Variants in NTN1 observed in about 807,000 individuals in gnomAD.
NTN1 encodes netrin 1.
NTN1 carries 11 observed loss-of-function variants against 54.2 expected under a neutral mutation model. The observed-to-expected ratio is 0.20, with a 90% CI of 0.13 to 0.34. The LOEUF is 0.34. NTN1 is among the 10% of genes least tolerant of loss of function. The pLI is 1.00. For missense variants in NTN1, 740 were observed against 893.1 expected (o/e 0.83, Z 2.18); for synonymous variants, 371 against 382.0 (o/e 0.97, Z 0.33).
chr17:9,233,292 G>C (rs1201162552), intron 6 of NTN1, among the ~76,000 whole-genome samples: 3 of 152,100 alleles, frequency 2.0e-5, no homozygotes, highest in African/African-American at 4.8e-5. Flanking sequence ...GGCCCAGCCT[G>C]CAAGTTGTTT....
the NTN1 span, among the ~76,000 whole-genome samples, chr17:9,003,301 G>C: frequency 1.3e-5 from 2 of 151,820 alleles, no homozygotes; most frequent in Admixed American, 6.6e-5. The surrounding 1 kb of genome is among the most constrained non-coding windows in gnomAD (Gnocchi z 7.4). Context: ...GAGCCTGCGC[G>C]GGGATGGCGG....
intron 5 of NTN1, among the ~76,000 whole-genome samples, chr17:9,195,475 G>C (rs1185450977): frequency 5.3e-5 from 8 of 152,192 alleles, no homozygotes; most frequent in Non-Finnish European, 8.8e-5. Flanking sequence ...GAGAGGATGG[G>C]AGTCCTTGGA....
chr17:9,135,905 A>G lies in NTN1; in HGVS notation c.1019-26908A>G, dbSNP rs994097717. Among the ~76,000 whole-genome samples, 1 of 152,198 alleles carries G rather than the reference A, an allele frequency of 6.6e-6. No homozygotes were observed. The highest frequency in any genetic ancestry group is 1.5e-5 in the Non-Finnish European group (1 of 68,042). The stretch of plus-strand genomic sequence containing the variant: ...GCACAGCCCATACTCAGAGGGCAGC[A>G]TGAACACTGCCACCCCAAACGTGTC... On this transcript the variant is annotated intron_variant, in intron 2 of 6. Transcript: ENST00000173229. The surrounding 1 kb of genome is among the most constrained non-coding windows in gnomAD (Gnocchi z 4.4).
chr17:9,038,208 A>T (rs1597465904), intron 2 of NTN1, among the ~76,000 whole-genome samples: 1 of 148,160 alleles, frequency 6.7e-6, no homozygotes, highest in Admixed American at 6.7e-5. Context: ...TGTCTATCGG[A>T]CTCTCTCTCT....
intron 6 of NTN1, among the ~76,000 whole-genome samples, chr17:9,222,033 C>T (rs548612860): frequency 7.2e-5 from 11 of 152,200 alleles, no homozygotes; most frequent in African/African-American, 2.7e-4. Flanking sequence ...GCAAGGCCCC[C>T]GCATACAGCC....
rs146986043 is a variant in NTN1, at chr17:9,105,997, T to C, written c.1019-56816T>C. On this transcript the variant is annotated intron_variant, in intron 2 of 6. Transcript: ENST00000173229. The stretch of plus-strand genomic sequence containing the variant: ...ATCTGGACCAGCTACTCCCAAAGCA[T>C]GGCCCCCCAACCAGCAGCGTCAACA... Among the ~76,000 whole-genome samples, 46 of 152,074 alleles carry C rather than the reference T, an allele frequency of 3.0e-4. No homozygotes were observed. In the East Asian group the frequency reaches 7.3e-3, roughly 24 times the overall value.
chr17:9,063,876 G>C (rs974408396), intron 2 of NTN1, among the ~76,000 whole-genome samples: 3 of 152,076 alleles, frequency 2.0e-5, no homozygotes, highest in Non-Finnish European at 2.9e-5. Flanking sequence ...CATGCCTTGA[G>C]GAAGGAGCTG....
chr17:9,008,071 AC>A, the NTN1 span, among the ~76,000 whole-genome samples: 1 of 151,870 alleles, frequency 6.6e-6, no homozygotes, highest in Non-Finnish European at 1.5e-5. Flanking sequence ...GATCTATCTG[AC>A]CCTGAGCTGA....
At chr17:9,137,765 G>C (rs2142276879) in intron 2 of NTN1, among the ~76,000 whole-genome samples, 1 of 151,916 alleles carries the variant, frequency 6.6e-6, no homozygotes, top group South Asian at 2.1e-4. Context: ...CTGCACTCCA[G>C]TCTAGGTGAC....
intron 4 of NTN1, among the ~76,000 whole-genome samples, chr17:9,180,251 C>A (rs184270533): frequency 5.9e-5 from 9 of 152,338 alleles, no homozygotes; most frequent in African/African-American, 1.9e-4. Flanking sequence ...GTTGGCCAGG[C>A]TGGTCTTGAA....
Position 9,022,461 on chromosome 17 carries a change from A to C in NTN1, c.88A>C (p.Met30Leu), listed in dbSNP as rs1201889936. 6.6e-7 allele frequency: 1 copy of C among 1,516,538 alleles called. No homozygotes were observed. Among genetic ancestry groups the C allele is most frequent in the East Asian group, 2.6e-5 (1 of 39,114 alleles). The allele number at this position is 1,516,538 out of a possible 1,614,324, so 93.9% of individuals were successfully genotyped here. Residue 30 changes from methionine (M) to leucine (L), a missense_variant, in exon 2 of 7, where the codon ATG becomes CTG. Met to Leu is a conservative substitution (Grantham distance 15, BLOSUM62 2). Transcript: ENST00000173229. ...GGTGCGCGGCGGGCCCGGGCTCAGCATGTTCGCGGGCCAGGCGGCGCAGCC... is the reference window on the plus strand; with the variant it reads ...GGTGCGCGGCGGGCCCGGGCTCAGCCTGTTCGCGGGCCAGGCGGCGCAGCC... ...GAVRGGPGLS[M>L]FAGQAAQPDP...
At position 9,193,920 on chromosome 17, in the gene NTN1, T is replaced by TAAAAAA. The variant is rs71361871; in HGVS notation, c.1411+10970_1411+10975dup. Among the ~76,000 whole-genome samples, 346 of 44,878 alleles carry TAAAAAA rather than the reference T, an allele frequency of 7.7e-3. 35 individuals carry two copies. The highest frequency in any genetic ancestry group is 8.8e-3 in the Non-Finnish European group (228 of 25,998). 29.4% of individuals were successfully genotyped at this position (44,878 alleles called of 152,430 possible). A position where few individuals can be genotyped will look rare whatever the true frequency, so the allele number is the denominator to read the frequency against. On this transcript the variant is annotated intron_variant, in intron 5 of 6. Coordinates refer to ENST00000173229, the MANE Select transcript of NTN1 (RefSeq NM_004822.3). Reference sequence around the variant, plus strand: ...TGGGCGACAAGAGTGAAACTCCGACTAAAAAAAAAAAAAAAAAAAAAAAAC... The same window carrying TAAAAAA: ...TGGGCGACAAGAGTGAAACTCCGACTAAAAAAAAAAAAAAAAAAAAAAAAAAAAAAC...
chr17:9,180,747 C>CCCTGAGG (rs1281547662), intron 4 of NTN1, among the ~76,000 whole-genome samples: 1 of 152,202 alleles, frequency 6.6e-6, no homozygotes, highest in Admixed American at 6.5e-5. Context: ...ATGATAGCAA[C>CCCTGAGG]CCTGAGGCGT....
Position 9,221,074 on chromosome 17 carries a change from C to G in NTN1, c.1412-94C>G, listed in dbSNP as rs527884880. ...GCCCATGGGTATCACAGGCCTCTGG[C>G]TATTTAGGGAGGCGGCCTCCTACTC... On this transcript the variant is annotated intron_variant, in intron 5 of 6. Coordinates refer to ENST00000173229, the MANE Select transcript of NTN1 (RefSeq NM_004822.3). This position sits in a 1 kb window ranked among gnomAD's most constrained non-coding sequence, Gnocchi z 4.5. The G allele has an allele frequency of 3.3e-6, 3 of 921,382 alleles. No homozygotes were observed. The East Asian group carries it at 7.2e-5, about 22-fold the overall frequency. 57.1% of individuals were successfully genotyped at this position (921,382 alleles called of 1,614,324 possible). A position where few individuals can be genotyped will look rare whatever the true frequency, so the allele number is the denominator to read the frequency against.
At chr17:9,226,067 C>G (rs1905530341) in intron 6 of NTN1, among the ~76,000 whole-genome samples, 1 of 151,370 alleles carries the variant, frequency 6.6e-6, no homozygotes, top group South Asian at 2.1e-4. Flanking sequence ...GGGCGCCGGC[C>G]CTGTCCCGTG....
At chr17:9,053,882 T>A (rs888354650) in intron 2 of NTN1, among the ~76,000 whole-genome samples, 3 of 152,152 alleles carry the variant, frequency 2.0e-5, no homozygotes, top group South Asian at 2.1e-4. Flanking sequence ...TAGCCTCCCT[T>A]AAGCAGGGCT....
At chr17:9,029,853 G>A (rs536786101) in intron 2 of NTN1, among the ~76,000 whole-genome samples, 7 of 152,170 alleles carry the variant, frequency 4.6e-5, no homozygotes, top group Admixed American at 2.6e-4. Flanking sequence ...TTAGCTGGGC[G>A]TGGTGGCGTG....
intron 2 of NTN1, among the ~76,000 whole-genome samples, chr17:9,081,092 G>C (rs969133034): frequency 6.6e-6 from 1 of 152,224 alleles, no homozygotes; most frequent in African/African-American, 2.4e-5. Context: ...GGCATCAGAA[G>C]TGCTGGGGGC....
At chr17:9,179,411 G>A (rs137863199) in intron 3 of NTN1, among the ~76,000 whole-genome samples, 84 of 152,310 alleles carry the variant, frequency 5.5e-4, no homozygotes, top group African/African-American at 1.9e-3. Flanking sequence ...TGAGGACAGA[G>A]TGAAAACGCA....
Sources: gnomAD v4.1 joint callset for allele counts (sites outside exome capture counted in the v4.1 genomes callset) on GRCh38, gnomAD v4.1.1 for gene constraint, Gnocchi (gnomAD v3.1) non-coding constraint, MANE v1.5 for transcripts, NCBI Gene and HGNC (gene_info 2026-07-23, HGNC 2026-07-21) for gene names.